Variants in USP44 observed in about 807,000 individuals in gnomAD.
The protein encoded by USP44 is ubiquitin specific peptidase 44.
A neutral mutation model predicts 69.0 loss-of-function variants in USP44; 61 were observed. The ratio of observed to expected loss-of-function variants is 0.88; its 90% confidence interval spans 0.72 to 1.09. The LOEUF (loss-of-function observed/expected upper bound fraction) is 1.09. Among genes scored for constraint, USP44 ranks in the 50% least tolerant of loss-of-function variants. The probability of loss-of-function intolerance (pLI) is 0.00; values close to 1 mark genes in which losing one functional copy is unlikely to be tolerated. For synonymous variants in USP44, 297 were observed against 295.4 expected, an observed-to-expected ratio of 1.01 and a Z score of -0.06; for missense variants, 753 against 849.9, an observed-to-expected ratio of 0.89 and a Z score of 1.42.
intron 4 of USP44, among the ~76,000 whole-genome samples, chr12:95,523,607 T>C (rs759091900): frequency 4.6e-5 from 7 of 150,540 alleles, no homozygotes; most frequent in African/African-American, 1.2e-4. Flanking sequence ...TCCTAGCACA[T>C]TGGAAAGCTG....
chr12:95,543,298 G>A lies in USP44; in HGVS notation c.-71+7974C>T, dbSNP rs1360170266. Among the ~76,000 whole-genome samples, 3 of 151,176 alleles carry A rather than the reference G, an allele frequency of 2.0e-5. No homozygotes were observed. In the East Asian group the frequency reaches 5.9e-4, roughly 30 times the overall value. Reference sequence around the variant, plus strand: ...CATCTGTAGTCCCAGCTACTCGGGAGGCTGAGTCAGGAGAATCACTTGAAC... The same window carrying A: ...CATCTGTAGTCCCAGCTACTCGGGAAGCTGAGTCAGGAGAATCACTTGAAC... On this transcript the variant is annotated intron_variant, in intron 1 of 5. Coordinates refer to ENST00000258499, the MANE Select transcript of USP44 (RefSeq NM_032147.5).
rs1029582961 is a variant in USP44, at chr12:95,517,566, CTA to C, written c.*586_*587del. On this transcript the variant is annotated 3_prime_UTR_variant, in exon 6 of 6. Transcript: ENST00000258499. ...GCTGCCATTTTCATTTATAGTTTGA[CTA>C]TGCCAAAGAGCAATTACTAAAGCAA... 1.3e-5 allele frequency: 2 copies of C among 152,106 alleles called. No individual in the cohort carries two copies. Among genetic ancestry groups the C allele is most frequent in the African/African-American group, 4.8e-5 (2 of 41,416 alleles). 9.4% of individuals were successfully genotyped at this position (152,106 alleles called of 1,614,324 possible).
intron 5 of USP44, 88 bp from the exon 6 acceptor site, chr12:95,518,441 G>T: frequency 7.5e-7 from 1 of 1,333,020 alleles, no homozygotes; most frequent in Non-Finnish European, 1.0e-6. Context: ...TTTCTGAAGG[G>T]AAAATAATTT....
intron 3 of USP44, among the ~76,000 whole-genome samples, chr12:95,527,764 C>T (rs1335411787): frequency 1.3e-5 from 2 of 151,682 alleles, no homozygotes; most frequent in East Asian, 1.9e-4. Flanking sequence ...GGATTACAGG[C>T]GTAAGCCACC....
In USP44 at chr12:95,537,352, T is replaced by A. The variant is rs925315990; in HGVS notation, c.-70-3026A>T. 3.3e-5 allele frequency among the ~76,000 whole-genome samples: 5 copies of A among 152,146 alleles called. No homozygotes were observed. The East Asian group carries it at 5.8e-4, about 18-fold the overall frequency. On this transcript the variant is annotated intron_variant, in intron 1 of 5. Coordinates refer to ENST00000258499, the MANE Select transcript of USP44 (RefSeq NM_032147.5). The stretch of plus-strand genomic sequence containing the variant: ...TTTATTTTTTGAGACAGAGTCTCAC[T>A]CTGTCGCCCAGGCTGGAGTGCAGGG...
intron 4 of USP44, among the ~76,000 whole-genome samples, chr12:95,523,453 G>A (rs1300639193): frequency 6.6e-6 from 1 of 152,166 alleles, no homozygotes; most frequent in Non-Finnish European, 1.5e-5. Context: ...CAGAACTGAT[G>A]ACTTGCTTGG....
chr12:95,550,292 C>T (rs539405818), intron 1 of USP44, among the ~76,000 whole-genome samples: 1 of 150,668 alleles, frequency 6.6e-6, no homozygotes, highest in African/African-American at 2.4e-5. Context: ...GAAAAAAATA[C>T]CAAATATGTA....
intron 3 of USP44, among the ~76,000 whole-genome samples, chr12:95,525,184 G>A (rs1417967313): frequency 6.6e-6 from 1 of 152,154 alleles, no homozygotes; most frequent in African/African-American, 2.4e-5. Context: ...CAATTCTCCT[G>A]CCTCAGCCTC....
At chr12:95,518,899 G>A (rs946266461) in intron 5 of USP44, among the ~76,000 whole-genome samples, 8 of 151,604 alleles carry the variant, frequency 5.3e-5, no homozygotes, top group Non-Finnish European at 1.0e-4. Flanking sequence ...GGATGGCGCA[G>A]CTTGCCCTCA....
At chr12:95,518,807 T>C (rs1308056263) in intron 5 of USP44, among the ~76,000 whole-genome samples, 2 of 152,010 alleles carry the variant, frequency 1.3e-5, no homozygotes, top group Non-Finnish European at 2.9e-5. Flanking sequence ...GGCGTGGTGG[T>C]GCACACCTGA....
chr12:95,546,384 GT>G (rs1237038469), intron 1 of USP44: 1 of 152,080 alleles, frequency 6.6e-6, no homozygotes, highest in Non-Finnish European at 1.5e-5. Flanking sequence ...TCCTAATAAA[GT>G]TTTTTATGGC....
chr12:95,524,440 T>C, intron 4 of USP44: 1 of 261,030 alleles, frequency 3.8e-6, no homozygotes, highest in Non-Finnish European at 7.2e-6. Flanking sequence ...GAGACCAGCC[T>C]GGGCAACATG....
At chr12:95,534,437 C>T (rs1453843938) in intron 1 of USP44, 111 bp from the exon 2 acceptor site, 1 of 586,116 alleles carries the variant, frequency 1.7e-6, no homozygotes, top group East Asian at 3.0e-5. Flanking sequence ...GGCTGCTTAT[C>T]ATAATACCAT....
chr12:95,532,816 T>C lies in USP44; in HGVS notation c.1428+13A>G. 1.9e-6 allele frequency: 3 copies of C among 1,551,966 alleles called. No individual in the cohort carries two copies. The highest frequency in any genetic ancestry group is 2.6e-6 in the Non-Finnish European group (3 of 1,153,466). The stretch of plus-strand genomic sequence containing the variant: ...CTCCCAATGATGAAAATAAGATTCT[T>C]AAAAATCCATACCTGACTAAGAAGT... On this transcript the variant is annotated intron_variant, in intron 2 of 5. Coordinates refer to ENST00000258499, the MANE Select transcript of USP44 (RefSeq NM_032147.5).
At chr12:95,534,438 A>G (rs2140303046) in intron 1 of USP44, 112 bp from the exon 2 acceptor site, 1 of 586,050 alleles carries the variant, frequency 1.7e-6, no homozygotes, top group East Asian at 3.0e-5. Flanking sequence ...GCTGCTTATC[A>G]TAATACCATT....
chr12:95,531,236 A>C (rs1011954999), intron 2 of USP44, among the ~76,000 whole-genome samples: 1 of 152,162 alleles, frequency 6.6e-6, no homozygotes, highest in Non-Finnish European at 1.5e-5. Context: ...AAAACACACA[A>C]AAAAATTATG....
rs2077068716 is a variant in USP44 at position 95,532,960 on chromosome 12, C to G, written c.1297G>C (p.Asp433His). ...DAQEFLCELL[D>H]KIQRELETTG... is the part of the protein sequence containing the mutation. ...GTCTCTAATTCACGTTGTATTTTAT[C>G]TAAAAGTTCACAAAGAAATTCCTGA... Residue 433 changes from aspartate (D) to histidine (H), a missense_variant, in exon 2 of 6, where the codon GAT becomes CAT. Transcript: ENST00000258499. 6.2e-7 allele frequency: 1 copy of G among 1,614,012 alleles called. No individual in the cohort carries two copies. The highest frequency in any genetic ancestry group is 8.5e-7 in the Non-Finnish European group (1 of 1,180,030).
chr12:95,536,893 T>C (rs1367447687), intron 1 of USP44, among the ~76,000 whole-genome samples: 1 of 152,158 alleles, frequency 6.6e-6, no homozygotes, highest in Non-Finnish European at 1.5e-5. Flanking sequence ...CAACTCCCCT[T>C]CTAAGGCCAC....
At chr12:95,545,920 G>C (rs571251988) in intron 1 of USP44, among the ~76,000 whole-genome samples, 19 of 152,142 alleles carry the variant, frequency 1.2e-4, no homozygotes, top group African/African-American at 4.6e-4. Context: ...CCCTGATCTT[G>C]CTTGGAACTC....
Sources: gnomAD v4.1 joint callset for allele counts (sites outside exome capture counted in the v4.1 genomes callset) on GRCh38, gnomAD v4.1.1 for gene constraint, MANE v1.5 for transcripts, NCBI Gene and HGNC (gene_info 2026-07-23, HGNC 2026-07-21) for gene names.